SCHIP1: variants seen among roughly 807,000 people sequenced by gnomAD.
The protein encoded by SCHIP1 is schwannomin-interacting protein 1.
SCHIP1 carries 8 observed loss-of-function variants against 29.7 expected under a neutral mutation model. The observed-to-expected ratio is 0.27, with a 90% CI of 0.16 to 0.49. The LOEUF is 0.49. SCHIP1 is among the 20% of genes least tolerant of loss of function. The probability of loss-of-function intolerance (pLI) is 0.99; values close to 1 mark genes in which losing one functional copy is unlikely to be tolerated. For missense variants in SCHIP1, 193 were observed against 294.6 expected (o/e 0.66, Z 2.52); for synonymous variants, 76 against 94.9 (o/e 0.80, Z 1.16).
the SCHIP1 span, among the ~76,000 whole-genome samples, chr3:159,319,356 C>G: frequency 6.6e-6 from 1 of 152,212 alleles, no homozygotes; most frequent in South Asian, 2.1e-4. Context: ...GTCAGTGTAA[C>G]AAAGGTTGGG....
chr3:159,416,751 T>C, the SCHIP1 span, among the ~76,000 whole-genome samples: 2 of 152,232 alleles, frequency 1.3e-5, no homozygotes, highest in Non-Finnish European at 2.9e-5. Flanking sequence ...CCATTAATTG[T>C]GCAACTTCTC....
chr3:159,291,805 C>G, the SCHIP1 span, among the ~76,000 whole-genome samples: 2 of 151,874 alleles, frequency 1.3e-5, no homozygotes, highest in East Asian at 3.9e-4. Flanking sequence ...ACAAAGAAGC[C>G]AACTGAAAAA....
the SCHIP1 span, among the ~76,000 whole-genome samples, chr3:159,652,489 C>T: frequency 6.6e-6 from 1 of 152,290 alleles, no homozygotes; most frequent in Non-Finnish European, 1.5e-5. Flanking sequence ...GGTACCTACT[C>T]TGCCAGGTGG....
chr3:159,786,700 CG>C, the SCHIP1 span, among the ~76,000 whole-genome samples: 59 of 115,180 alleles, frequency 5.1e-4, no homozygotes, highest in African/African-American at 1.8e-3. Context: ...TGTGTGTCTG[CG>C]CGTGTGCACT....
chr3:159,310,385 T>C, the SCHIP1 span, among the ~76,000 whole-genome samples: 4 of 152,202 alleles, frequency 2.6e-5, no homozygotes, highest in African/African-American at 9.6e-5. Flanking sequence ...CTTTGTTTTT[T>C]AAAAAATGAC....
At chr3:159,808,276 T>G in the SCHIP1 span, 4 of 152,368 alleles carry the variant, frequency 2.6e-5, no homozygotes, top group African/African-American at 9.6e-5. Context: ...AAACTGTTTC[T>G]CAACCCCCAG....
the SCHIP1 span, among the ~76,000 whole-genome samples, chr3:159,723,966 T>C: frequency 6.6e-6 from 1 of 152,244 alleles, no homozygotes; most frequent in African/African-American, 2.4e-5. Context: ...AGCTCAATTT[T>C]ATATGTTTTA....
chr3:159,412,585 A>T, the SCHIP1 span, among the ~76,000 whole-genome samples: 5 of 152,204 alleles, frequency 3.3e-5, no homozygotes, highest in Non-Finnish European at 7.3e-5. Context: ...CCTCTAGTGC[A>T]CTAGAAGAAA....
chr3:159,399,049 A>C, the SCHIP1 span: 1 of 508,178 alleles, frequency 2.0e-6, no homozygotes, highest in Non-Finnish European at 2.5e-6. Context: ...ACTCCCCTCC[A>C]GCTACACTGG....
chr3:159,739,839 C>A, the SCHIP1 span, among the ~76,000 whole-genome samples: 1 of 152,178 alleles, frequency 6.6e-6, no homozygotes, highest in Non-Finnish European at 1.5e-5. Context: ...TTTTACTAAA[C>A]CGGTGCCTAA....
the SCHIP1 span, among the ~76,000 whole-genome samples, chr3:159,404,863 CCAAA>C: frequency 2.0e-5 from 3 of 152,202 alleles, no homozygotes; most frequent in Non-Finnish European, 4.4e-5. Context: ...TCAGATCTTA[CCAAA>C]CACAGTCCCA....
the SCHIP1 span, among the ~76,000 whole-genome samples, chr3:159,399,424 C>G: frequency 6.6e-6 from 1 of 152,170 alleles, no homozygotes; most frequent in South Asian, 2.1e-4. Context: ...GGATCTTTGT[C>G]TGTTCACTGA....
At chr3:159,582,115 T>C in the SCHIP1 span, among the ~76,000 whole-genome samples, 1 of 152,124 alleles carries the variant, frequency 6.6e-6, no homozygotes, top group Admixed American at 6.6e-5. Context: ...CAGTCTATGA[T>C]CTAGATAGGT....
the SCHIP1 span, among the ~76,000 whole-genome samples, chr3:159,380,416 G>C: frequency 6.6e-6 from 1 of 152,138 alleles, no homozygotes; most frequent in Admixed American, 6.5e-5. Flanking sequence ...CTAGTGATAT[G>C]TAGGCCACCC....
chr3:159,406,536 C>T, the SCHIP1 span, among the ~76,000 whole-genome samples: 1 of 152,138 alleles, frequency 6.6e-6, no homozygotes, highest in Non-Finnish European at 1.5e-5. Context: ...AATAAGTAAG[C>T]ATCTGAAAGT....
At chr3:159,582,621 C>G in the SCHIP1 span, among the ~76,000 whole-genome samples, 38 of 152,042 alleles carry the variant, frequency 2.5e-4, 1 homozygote, top group African/African-American at 9.2e-4. Flanking sequence ...CTATTGCACA[C>G]TTAATAGACT....
At chr3:159,341,716 T>A in the SCHIP1 span, among the ~76,000 whole-genome samples, 40 of 152,320 alleles carry the variant, frequency 2.6e-4, no homozygotes, top group African/African-American at 8.7e-4. Flanking sequence ...TTATTATCTA[T>A]TTATTTATTT....
At chr3:159,565,910 C>T in the SCHIP1 span, among the ~76,000 whole-genome samples, 58 of 152,250 alleles carry the variant, frequency 3.8e-4, no homozygotes, top group African/African-American at 1.3e-3. Context: ...ATTCTCACTA[C>T]TAAAATTCAC....
the SCHIP1 span, among the ~76,000 whole-genome samples, chr3:159,734,529 C>T: frequency 7.2e-4 from 109 of 152,226 alleles, no homozygotes; most frequent in African/African-American, 2.3e-3. Flanking sequence ...TGACTCTCCC[C>T]GCCCTCAGTC....
Sources: allele counts gnomAD v4.1 joint callset (sites outside exome capture counted in the v4.1 genomes callset), GRCh38; gene constraint gnomAD v4.1.1; transcripts MANE v1.5; gene names NCBI Gene and HGNC (gene_info 2026-07-23, HGNC 2026-07-21).